MICAL3: variants seen among roughly 807,000 people sequenced by gnomAD.
MICAL3 encodes microtubule associated monooxygenase, calponin and LIM domain containing 3, also known as [F-actin]-monooxygenase MICAL3.
MICAL3 carries 62 observed loss-of-function variants against 207.4 expected under a neutral mutation model. The ratio of observed to expected loss-of-function variants is 0.30; its 90% confidence interval spans 0.24 to 0.37. The LOEUF (loss-of-function observed/expected upper bound fraction) is 0.37, where lower values mean the gene tolerates loss of function less well. MICAL3 is among the 10% of genes least tolerant of loss of function. MICAL3 has a pLI of 1.00. For synonymous variants in MICAL3, 1,077 were observed against 1,069.3 expected (o/e 1.01, Z -0.14); for missense variants, 2,368 against 2,635.6 (o/e 0.90, Z 2.22).
chr22:17,891,275 A>G (rs1247081158), intron 12 of MICAL3, among the ~76,000 whole-genome samples: 1 of 152,232 alleles, frequency 6.6e-6, no homozygotes, highest in East Asian at 1.9e-4. Context: ...AAATTGGAAA[A>G]AAACAAAAAT....
At chr22:17,825,364 T>A (rs1166948358) in intron 22 of MICAL3, among the ~76,000 whole-genome samples, 1 of 151,848 alleles carries the variant, frequency 6.6e-6, no homozygotes, top group Non-Finnish European at 1.5e-5. Context: ...TAAGACGGAG[T>A]GCAGGGTGCT....
chr22:17,982,765 T>TAAA (rs1220546236), intron 1 of MICAL3, among the ~76,000 whole-genome samples: 33 of 87,242 alleles, frequency 3.8e-4, no homozygotes, highest in African/African-American at 6.4e-4. Flanking sequence ...AAAAGTAAAA[T>TAAA]AAAGTAAAAT....
At chr22:17,964,316 C>T (rs561448386) in intron 1 of MICAL3, among the ~76,000 whole-genome samples, 1 of 152,324 alleles carries the variant, frequency 6.6e-6, no homozygotes, top group South Asian at 2.1e-4. Context: ...ACATTCTTAC[C>T]TTATATGATT....
At chr22:17,973,418 T>C (rs911506906) in intron 1 of MICAL3, among the ~76,000 whole-genome samples, 1 of 152,212 alleles carries the variant, frequency 6.6e-6, no homozygotes, top group Non-Finnish European at 1.5e-5. Flanking sequence ...CAACAGGGCC[T>C]GGGACACCGG....
At chr22:17,880,918 G>A (rs1294748276) in intron 16 of MICAL3, among the ~76,000 whole-genome samples, 1 of 152,190 alleles carries the variant, frequency 6.6e-6, no homozygotes, top group Non-Finnish European at 1.5e-5. Flanking sequence ...GGGCTCCTGG[G>A]CCTCGGATGC....
chr22:17,884,230 G>T, intron 16 of MICAL3: 3 of 1,399,264 alleles, frequency 2.1e-6, no homozygotes, highest in Non-Finnish European at 3.0e-6. Context: ...GGGGTAGGAA[G>T]GCCTGGAGAG....
intron 3 of MICAL3, among the ~76,000 whole-genome samples, chr22:17,903,091 C>T (rs1475610311): frequency 6.6e-6 from 1 of 152,224 alleles, no homozygotes; most frequent in Non-Finnish European, 1.5e-5. Context: ...GCAGCATCTC[C>T]AATCCTGCTA....
chr22:17,845,436 A>G (rs1924529168), intron 19 of MICAL3, among the ~76,000 whole-genome samples: 1 of 152,206 alleles, frequency 6.6e-6, no homozygotes, highest in Non-Finnish European at 1.5e-5. Flanking sequence ...AGCACCTGGG[A>G]GAGGGCCCTG....
chr22:17,877,033 TTA>T (rs1928625734), intron 16 of MICAL3, among the ~76,000 whole-genome samples: 3 of 127,450 alleles, frequency 2.4e-5, no homozygotes, highest in South Asian at 5.3e-4. Context: ...GTTATGGAGG[TTA>T]GGGAGGTTAT....
At chr22:17,980,753 A>G (rs1935869884) in intron 1 of MICAL3, 1 of 453,286 alleles carries the variant, frequency 2.2e-6, no homozygotes. Context: ...CCGTCTTATC[A>G]TTCCGCCCGT....
At chr22:17,828,687 T>C (rs2146036107) in intron 21 of MICAL3, among the ~76,000 whole-genome samples, 1 of 152,298 alleles carries the variant, frequency 6.6e-6, no homozygotes, top group African/African-American at 2.4e-5. Flanking sequence ...CAGTGGCCCC[T>C]CTGGATCCCT....
intron 1 of MICAL3, among the ~76,000 whole-genome samples, chr22:17,923,061 C>A (rs1477682331): frequency 6.6e-6 from 1 of 152,194 alleles, no homozygotes; most frequent in Non-Finnish European, 1.5e-5. Flanking sequence ...ACTCCCCCAG[C>A]TACACCCCTC....
intron 1 of MICAL3, among the ~76,000 whole-genome samples, chr22:17,933,880 G>A (rs1933390052): frequency 6.6e-6 from 1 of 152,130 alleles, no homozygotes; most frequent in African/African-American, 2.4e-5. Context: ...TAGAAGAAAT[G>A]GATAAATTCC....
At chr22:17,899,613 G>T in intron 6 of MICAL3, 65 bp from the exon 7 acceptor site, 1 of 1,054,804 alleles carries the variant, frequency 9.5e-7, no homozygotes, top group Non-Finnish European at 1.4e-6. Context: ...AGGGCAGGCT[G>T]AAAGGTTACA....
At chr22:18,022,660 C>G (rs943797172) in intron 1 of MICAL3, among the ~76,000 whole-genome samples, 1 of 152,146 alleles carries the variant, frequency 6.6e-6, no homozygotes, top group Non-Finnish European at 1.5e-5. Context: ...AACTCCTGGC[C>G]CCAAGTGATC....
intron 22 of MICAL3, chr22:17,826,528 A>C (rs1476098374): frequency 1.0e-6 from 1 of 985,534 alleles, no homozygotes; most frequent in Non-Finnish European, 1.2e-6. Context: ...TGAATTTAAA[A>C]CAGACGACAA....
At chr22:18,002,153 G>C (rs1002615336) in intron 1 of MICAL3, among the ~76,000 whole-genome samples, 4 of 152,080 alleles carry the variant, frequency 2.6e-5, no homozygotes, top group African/African-American at 7.2e-5. Flanking sequence ...AGCCGAGATG[G>C]TGCCACTGCA....
chr22:18,003,862 C>T (rs1368191620), intron 1 of MICAL3, among the ~76,000 whole-genome samples: 2 of 152,022 alleles, frequency 1.3e-5, no homozygotes, highest in African/African-American at 2.4e-5. Context: ...CTCCGCCTCC[C>T]GGGTTCAACT....
chr22:18,004,778 G>A (rs1239183661), intron 1 of MICAL3: 1 of 152,114 alleles, frequency 6.6e-6, no homozygotes, highest in Non-Finnish European at 1.5e-5. Context: ...AGAGCTTAGT[G>A]AAACTGATCT....
Sources: allele counts gnomAD v4.1 joint callset (sites outside exome capture counted in the v4.1 genomes callset), GRCh38; gene constraint gnomAD v4.1.1; transcripts MANE v1.5; gene names NCBI Gene and HGNC (gene_info 2026-07-23, HGNC 2026-07-21).